GAK: variants seen among roughly 807,000 people sequenced by gnomAD.
GAK encodes the protein cyclin-G-associated kinase.
Under a neutral mutation model 143.9 loss-of-function variants are expected in GAK, and 79 were observed. The observed-to-expected ratio is 0.55, with a 90% CI of 0.46 to 0.66. GAK has a LOEUF of 0.66. Ranked by LOEUF, GAK falls within the 30% of genes least tolerant of loss-of-function variation. The pLI is 0.00. For synonymous variants in GAK, 881 were observed against 765.5 expected (o/e 1.15, Z -2.49); for missense variants, 1,693 against 1,779.7 (o/e 0.95, Z 0.88).
intron 5 of GAK, among the ~76,000 whole-genome samples, chr4:902,870 G>T (rs555053225): frequency 9.9e-5 from 15 of 152,202 alleles, no homozygotes; most frequent in Non-Finnish European, 2.1e-4. Context: ...TTTGAAAAAG[G>T]CAAGAAACAA....
intron 7 of GAK, chr4:894,965 C>T (rs994479874): frequency 6.7e-6 from 1 of 149,152 alleles, no homozygotes; most frequent in Non-Finnish European, 1.5e-5. Context: ...AGCAACAAAG[C>T]GAGACTCTGT....
chr4:851,185 C>A, intron 25 of GAK, 101 bp from the exon 26 acceptor site: 1 of 1,026,204 alleles, frequency 9.7e-7, no homozygotes, highest in Non-Finnish European at 1.4e-6. Context: ...GCAGCCTTTG[C>A]CTCCCGGCCT....
In GAK at chr4:898,047, G is replaced by A. The variant is rs1719142654; in HGVS notation, c.637C>T (p.Leu213=). 2.5e-6 allele frequency: 4 copies of A among 1,613,346 alleles called. No individual in the cohort carries two copies. The highest frequency in any genetic ancestry group is 2.5e-6 in the Non-Finnish European group (3 of 1,179,736). The change falls in exon 6 of 28, where the codon CTG becomes TTG. Residue 213 remains leucine, a synonymous_variant. Transcript: ENST00000314167. ...DYSWSAQRRA[L]VEEEITRNTT... is the part of the protein sequence containing the mutation. ...ACTCAGCTCACCTCTTCCTCCACCA[G>A]GGCTCGCCTCTGGGCGCTCCAGCTG...
chr4:882,198 C>T (rs886741991), intron 14 of GAK, among the ~76,000 whole-genome samples, 158 bp from the exon 15 acceptor site: 22 of 152,290 alleles, frequency 1.4e-4, no homozygotes, highest in Non-Finnish European at 2.4e-4. Flanking sequence ...ACGTGCCTGC[C>T]GAGGCAAGAA....
At chr4:930,824 G>A (rs1230622161) in intron 1 of GAK, among the ~76,000 whole-genome samples, 3 of 152,140 alleles carry the variant, frequency 2.0e-5, no homozygotes, top group East Asian at 3.9e-4. Flanking sequence ...GACAAAGTGT[G>A]TGATAATGCT....
intron 1 of GAK, among the ~76,000 whole-genome samples, chr4:925,900 C>A (rs527601489): frequency 9.8e-5 from 15 of 152,330 alleles, no homozygotes; most frequent in African/African-American, 2.6e-4. Context: ...CGGGGATGCG[C>A]ACCCACACAG....
At chr4:850,285 G>A (rs935253042) in intron 26 of GAK, 3 of 457,140 alleles carry the variant, frequency 6.6e-6, no homozygotes, top group Middle Eastern at 5.6e-4. Flanking sequence ...TCAGGGCCTG[G>A]GGCCAGAGGG....
intron 6 of GAK, 106 bp from the exon 7 acceptor site, chr4:896,655 G>A (rs909778124): frequency 5.8e-6 from 5 of 862,018 alleles, no homozygotes; most frequent in East Asian, 5.3e-5. Context: ...AGACTGAGGG[G>A]CAGCCTGTCC....
intron 24 of GAK, among the ~76,000 whole-genome samples, chr4:856,451 T>TACAGCTGCTCACCACAGCTGCTCACCACC (rs1749242735): frequency 2.2e-5 from 2 of 91,374 alleles, no homozygotes; most frequent in Non-Finnish European, 2.1e-5. Flanking sequence ...AGCTGCTCAC[T>TACAGCTGCTCACCACAGCTGCTCACCACC]ACAGCTGCTC....
intron 1 of GAK, among the ~76,000 whole-genome samples, chr4:930,129 C>G (rs775727944): frequency 5.9e-5 from 9 of 152,188 alleles, no homozygotes; most frequent in Non-Finnish European, 1.2e-4. Flanking sequence ...ACAGCCTAAA[C>G]TCCCATAGCC....
Position 932,228 on chromosome 4 carries a change from G to C in GAK, c.-41C>G, listed in dbSNP as rs1048892515. The C allele has an allele frequency of 5.4e-6, 8 of 1,488,782 alleles. No homozygotes were observed. In the South Asian group the frequency reaches 9.1e-5, roughly 17 times the overall value. The allele number at this position is 1,488,782 out of a possible 1,614,324, so 92.2% of individuals were successfully genotyped here. On this transcript the variant is annotated 5_prime_UTR_variant, in exon 1 of 28. Coordinates refer to ENST00000314167, the MANE Select transcript of GAK (RefSeq NM_005255.4). The surrounding 1 kb of genome is among the most constrained non-coding windows in gnomAD (Gnocchi z 4.0). ...GCACCCCGCGGCAGCCGGAGTGGTCGGGCTCGGGCTCCCGCTCCCTCGCCG... is the reference window on the plus strand; with the variant it reads ...GCACCCCGCGGCAGCCGGAGTGGTCCGGCTCGGGCTCCCGCTCCCTCGCCG...
intron 15 of GAK, among the ~76,000 whole-genome samples, chr4:878,394 A>G (rs1714427873): frequency 6.6e-6 from 1 of 152,170 alleles, no homozygotes; most frequent in South Asian, 2.1e-4. Flanking sequence ...GCCTGACAGC[A>G]TAGTTTGTCT....
Position 849,383 on chromosome 4 carries a change from C to T in GAK, c.*290G>A, listed in dbSNP as rs528119962. ...GCCAGCAGCGTGGCCCACCACGTGC[C>T]GGGGCTCCAGAGGCCACGCCCGAAA... On this transcript the variant is annotated 3_prime_UTR_variant, in exon 28 of 28. Coordinates refer to ENST00000314167, the MANE Select transcript of GAK (RefSeq NM_005255.4). 1.0e-3 allele frequency: 475 copies of T among 476,572 alleles called. 6 individuals carry two copies. Among genetic ancestry groups the T allele is most frequent in the South Asian group, 9.7e-3 (386 of 39,976 alleles). 29.5% of individuals were successfully genotyped at this position (476,572 alleles called of 1,614,324 possible). A position where few individuals can be genotyped will look rare whatever the true frequency, so the allele number is the denominator to read the frequency against.
In GAK at chr4:866,714, G is replaced by A. The variant is rs1751252592; in HGVS notation, c.2873-180C>T. On this transcript the variant is annotated intron_variant, in intron 21 of 27. Coordinates refer to ENST00000314167, the MANE Select transcript of GAK (RefSeq NM_005255.4). Reference sequence around the variant, plus strand: ...GGGCTCCCCGTGCCCCACGCCTCAGGATGACTTTCCCAGGGACACAGCAAC... The same window carrying A: ...GGGCTCCCCGTGCCCCACGCCTCAGAATGACTTTCCCAGGGACACAGCAAC... 2.0e-5 allele frequency among the ~76,000 whole-genome samples: 3 copies of A among 152,200 alleles called. No homozygotes were observed. In the South Asian group the frequency reaches 6.2e-4, roughly 31 times the overall value.
chr4:932,181 G>A lies in GAK; in HGVS notation c.7C>T (p.Leu3=). Residue 3 remains leucine (L), a synonymous_variant, in exon 1 of 28, where the codon CTG becomes TTG. Transcript: ENST00000314167. This position sits in a 1 kb window ranked among gnomAD's most constrained non-coding sequence, Gnocchi z 4.0. ...AAGAAGTCGAGCGCCGACTGCAGCA[G>A]CGACATGGCGGTGGCTGCGCCGCAC... MS[L]LQSALDFLAG... is the part of the protein sequence containing the mutation. 1 of 1,556,072 alleles carries A rather than the reference G, an allele frequency of 6.4e-7. No homozygotes were observed. Among genetic ancestry groups the A allele is most frequent in the Non-Finnish European group, 8.7e-7 (1 of 1,154,692 alleles).
intron 2 of GAK, 78 bp downstream of exon 2, chr4:913,529 C>T (rs1035875771): frequency 2.8e-6 from 3 of 1,081,288 alleles, no homozygotes; most frequent in South Asian, 2.5e-5. Context: ...AACAGGGACG[C>T]ATCCCTGAAA....
chr4:892,617 G>A (rs544749526), intron 9 of GAK, among the ~76,000 whole-genome samples: 31 of 152,206 alleles, frequency 2.0e-4, no homozygotes, highest in Non-Finnish European at 3.7e-4. Context: ...AGCCACCGGT[G>A]CCTGGGAGTG....
chr4:897,663 G>C (rs1719049651), intron 6 of GAK, among the ~76,000 whole-genome samples: 1 of 152,166 alleles, frequency 6.6e-6, no homozygotes, highest in African/African-American at 2.4e-5. Context: ...AAAAAATAAA[G>C]TCTGTTTATT....
chr4:909,905 T>G (rs935876036), intron 4 of GAK, among the ~76,000 whole-genome samples: 1 of 151,954 alleles, frequency 6.6e-6, no homozygotes, highest in African/African-American at 2.4e-5. Context: ...CCTGGCAGCA[T>G]CTCCTCAGCC....
Sources: gnomAD v4.1 joint callset for allele counts (sites outside exome capture counted in the v4.1 genomes callset) on GRCh38, gnomAD v4.1.1 for gene constraint, Gnocchi (gnomAD v3.1) non-coding constraint, MANE v1.5 for transcripts, NCBI Gene and HGNC (gene_info 2026-07-23, HGNC 2026-07-21) for gene names.